Variants in TET2 observed in about 807,000 individuals in gnomAD.
The protein encoded by TET2 is methylcytosine dioxygenase TET2.
In TET2, 299 loss-of-function variants were observed where a neutral mutation model predicts 142.9. The ratio of observed to expected loss-of-function variants is 2.09; its 90% confidence interval spans 1.90 to 2.30. The LOEUF is 2.30. Among genes scored for constraint, TET2 ranks in the 30% most tolerant of loss-of-function variants. The pLI, the probability that TET2 is intolerant of heterozygous loss-of-function variation, is 0.00. For missense variants in TET2, 2,418 were observed against 2,378.0 expected (o/e 1.02, Z -0.35); for synonymous variants, 819 against 849.0 (o/e 0.96, Z 0.61).
chr4:105,260,507 T>G (rs952541083), intron 7 of TET2, among the ~76,000 whole-genome samples: 1 of 152,150 alleles, frequency 6.6e-6, no homozygotes, highest in Admixed American at 6.6e-5. Context: ...GTCTCCGTAC[T>G]AATTGAATGA....
At chr4:105,219,652 T>G (rs1211637926) in intron 2 of TET2, among the ~76,000 whole-genome samples, 1 of 152,166 alleles carries the variant, frequency 6.6e-6, no homozygotes, top group Non-Finnish European at 1.5e-5. Context: ...TTTGTTTGTT[T>G]GTTTTTTGTT....
intron 10 of TET2, among the ~76,000 whole-genome samples, chr4:105,273,914 G>GA (rs113161465): frequency 6.6e-5 from 10 of 151,746 alleles, no homozygotes; most frequent in South Asian, 2.1e-4. Flanking sequence ...TTTGTAAAAA[G>GA]AAAAAAAATC....
chr4:105,259,805 T>G, intron 7 of TET2, 36 bp downstream of exon 7: 1 of 1,538,244 alleles, frequency 6.5e-7, no homozygotes, highest in Non-Finnish European at 8.8e-7. Flanking sequence ...CGCTTTATTT[T>G]TCATAGAGAA....
chr4:105,187,428 GC>G (rs1313686475), intron 1 of TET2, among the ~76,000 whole-genome samples: 2 of 152,026 alleles, frequency 1.3e-5, no homozygotes, highest in Non-Finnish European at 2.9e-5. Context: ...AAATGAAATA[GC>G]CTATTGACTC....
Position 105,242,909 on chromosome 4 carries a change from A to G in TET2, c.3576A>G (p.Gly1192=). The G allele has an allele frequency of 6.4e-7, 1 of 1,551,450 alleles. No homozygotes were observed. Among genetic ancestry groups the G allele is most frequent in the Non-Finnish European group, 8.7e-7 (1 of 1,146,842 alleles). The change falls in exon 5 of 11, where the codon GGA becomes GGG. Residue 1192 remains glycine, a synonymous_variant. Transcript: ENST00000380013. ...GTAAAGAAGGCAAAAGTTCTCAGGG[A>G]TGTCCTATTGCTAAGTGGGTAAGTG... ...YTGKEGKSSQ[G]CPIAKWVVRR... is the part of the protein sequence containing the mutation.
intron 2 of TET2, among the ~76,000 whole-genome samples, chr4:105,204,362 G>A (rs1726690138): frequency 6.6e-6 from 1 of 151,820 alleles, no homozygotes; most frequent in African/African-American, 2.4e-5. Flanking sequence ...AATCCTTAGT[G>A]CATATGAGGT....
Position 105,237,193 on chromosome 4 carries a change from A to C in TET2, c.3251A>C (p.Gln1084Pro), listed in dbSNP as rs75056899. ...LDSHTPALEQQTTSSEKTPTK... is the reference protein window; with the variant it reads ...LDSHTPALEQPTTSSEKTPTK... ...AGCCACACCCCAGCTTTAGAGCAGC[A>C]AACAACTTCTTCAGAAAAGACACCA... The change falls in exon 3 of 11, where the codon CAA (glutamine) becomes CCA (proline). Residue 1084 changes from glutamine to proline, a missense_variant. Transcript: ENST00000380013. The C allele has an allele frequency of 3.3e-3, 5,329 of 1,614,184 alleles. 10 individuals carry two copies. Among genetic ancestry groups the C allele is most frequent in the Non-Finnish European group, 3.7e-3 (4,402 of 1,180,028 alleles).
chr4:105,241,405 C>G lies in TET2; in HGVS notation c.3476C>G (p.Ala1159Gly), dbSNP rs780137761. ...CTAGGAGCAGGTCCTAATGTGGCAGCTATTAGAGAAATCATGGAAGAAAGG... is the reference window on the plus strand; with the variant it reads ...CTAGGAGCAGGTCCTAATGTGGCAGGTATTAGAGAAATCATGGAAGAAAGG... ...THLGAGPNVA[A>G]IREIMEERFG... The change falls in exon 4 of 11, where the codon GCT becomes GGT. Residue 1159 changes from alanine (A) to glycine (G), a missense_variant. Physicochemically the swap from Ala to Gly is moderately conservative, Grantham distance 60. Coordinates refer to ENST00000380013, the MANE Select transcript of TET2 (RefSeq NM_001127208.3). 1 of 1,549,836 alleles carries G rather than the reference C, an allele frequency of 6.5e-7. No homozygotes were observed. Among genetic ancestry groups the G allele is most frequent in the Non-Finnish European group, 8.7e-7 (1 of 1,146,458 alleles).
intron 2 of TET2, among the ~76,000 whole-genome samples, chr4:105,196,668 C>T (rs1320345716): frequency 1.3e-5 from 2 of 152,164 alleles, no homozygotes; most frequent in Non-Finnish European, 2.9e-5. Context: ...CTTAACTACA[C>T]AGCTCAGATT....
At chr4:105,172,597 G>A (rs1401729737) in intron 1 of TET2, 1 of 151,970 alleles carries the variant, frequency 6.6e-6, no homozygotes, top group South Asian at 2.1e-4. Flanking sequence ...TAAGGTCAAC[G>A]GTATTTGTTA....
chr4:105,192,707 T>G (rs1049455022), intron 2 of TET2, among the ~76,000 whole-genome samples: 16 of 152,190 alleles, frequency 1.1e-4, no homozygotes, highest in African/African-American at 3.4e-4. Flanking sequence ...ATCTCTTCCC[T>G]TGTTGAGCTT....
chr4:105,251,410 G>A (rs1311787833), intron 6 of TET2, among the ~76,000 whole-genome samples: 3 of 152,118 alleles, frequency 2.0e-5, no homozygotes, highest in Admixed American at 6.5e-5. Flanking sequence ...GTTCCCTTCT[G>A]TTGCTAGTTT....
chr4:105,259,916 G>A (rs1730339779), intron 7 of TET2, 147 bp downstream of exon 7: 1 of 708,318 alleles, frequency 1.4e-6, no homozygotes, highest in Middle Eastern at 4.5e-4. Flanking sequence ...TTTTAAGTTG[G>A]CATAATAATC....
At chr4:105,219,920 C>G (rs1221633543) in intron 2 of TET2, among the ~76,000 whole-genome samples, 1 of 152,054 alleles carries the variant, frequency 6.6e-6, no homozygotes, top group Non-Finnish European at 1.5e-5. Context: ...TCAACATTTT[C>G]TTACCACACC....
intron 2 of TET2, among the ~76,000 whole-genome samples, chr4:105,206,344 T>C (rs1355903646): frequency 6.6e-6 from 1 of 152,244 alleles, no homozygotes; most frequent in Non-Finnish European, 1.5e-5. Flanking sequence ...GACCTTTTGG[T>C]TGGGAAGACA....
intron 3 of TET2, chr4:105,240,882 T>C (rs1729258460): frequency 9.3e-7 from 1 of 1,080,366 alleles, no homozygotes; most frequent in Non-Finnish European, 1.1e-6. Context: ...AGGGGTATCC[T>C]TGACAATAAA....
At chr4:105,231,945 T>C (rs573464247) in intron 2 of TET2, among the ~76,000 whole-genome samples, 1 of 152,266 alleles carries the variant, frequency 6.6e-6, no homozygotes, top group African/African-American at 2.4e-5. Flanking sequence ...ATTGCATGCC[T>C]TGGGGGTTTG....
rs768741227 is a variant in TET2, at chr4:105,234,095, C to A, written c.153C>A (p.Asp51Glu). The change falls in exon 3 of 11, where the codon GAC (aspartate) becomes GAA (glutamate). Residue 51 changes from aspartate (D) to glutamate (E), a missense_variant. Coordinates refer to ENST00000380013, the MANE Select transcript of TET2 (RefSeq NM_001127208.3). Reference sequence around the variant, plus strand: ...GAGCTCATCCAGAAGTAAATGGAGACACCAAGTGGCACTCTTTCAAAAGTT... The same window carrying A: ...GAGCTCATCCAGAAGTAAATGGAGAAACCAAGTGGCACTCTTTCAAAAGTT... ...PERAHPEVNG[D>E]TKWHSFKSYY... The A allele has an allele frequency of 1.9e-6, 3 of 1,614,036 alleles. No homozygotes were observed. The highest frequency in any genetic ancestry group is 2.5e-6 in the Non-Finnish European group (3 of 1,179,988).
intron 7 of TET2, 54 bp from the exon 8 acceptor site, chr4:105,261,705 A>G (rs1037120347): frequency 2.5e-5 from 28 of 1,113,312 alleles, no homozygotes; most frequent in Middle Eastern, 3.9e-4. Context: ...AGTCTCTTTT[A>G]CATAGAGAAA....
Sources: gnomAD v4.1 joint callset for allele counts (sites outside exome capture counted in the v4.1 genomes callset) on GRCh38, gnomAD v4.1.1 for gene constraint, MANE v1.5 for transcripts, NCBI Gene and HGNC (gene_info 2026-07-23, HGNC 2026-07-21) for gene names.